The following ANKRD11 variants were observed in gnomAD, a reference collection of about 807,000 sequenced individuals.
The protein encoded by ANKRD11 is ankyrin repeat domain 11, also known as ankyrin repeat domain-containing protein 11.
Under a neutral mutation model 195.7 loss-of-function variants are expected in ANKRD11, and 17 were observed. The ratio of observed to expected loss-of-function variants is 0.09; its 90% CI spans 0.06 to 0.13. The LOEUF is 0.13. Ranked by LOEUF, ANKRD11 falls within the 10% of genes least tolerant of loss-of-function variation. The pLI is 1.00. For synonymous variants in ANKRD11, 1,953 were observed against 1,528.1 expected (o/e 1.28, Z -6.49); for missense variants, 3,735 against 3,566.1 (o/e 1.05, Z -1.21).
chr16:89,285,348 T>C lies in ANKRD11; in HGVS notation c.1194A>G (p.Ala398=). Residue 398 remains alanine, a synonymous_variant, in exon 9 of 13, where the codon GCA becomes GCG. Transcript: ENST00000301030. The surrounding 1 kb of genome is among the most constrained non-coding windows in gnomAD (Gnocchi z 5.6). The part of the protein sequence containing the change: ...VKSYTKNNTI[A]PKKASHRILS... ...GGATACGATGGGACGCTTTCTTTGG[T>C]GCAATCGTGTTATTTTTAGTGTAAC... is the stretch of plus-strand genomic sequence containing the variant. The C allele has an allele frequency of 6.2e-7, 1 of 1,614,056 alleles. No individual in the cohort carries two copies. The highest frequency in any genetic ancestry group is 8.5e-7 in the Non-Finnish European group (1 of 1,180,040).
At chr16:89,345,897 G>T (rs1419291645) in intron 2 of ANKRD11, among the ~76,000 whole-genome samples, 1 of 152,144 alleles carries the variant, frequency 6.6e-6, no homozygotes, top group Non-Finnish European at 1.5e-5. Flanking sequence ...TCACAAGAGA[G>T]CTAAGACGGT....
At chr16:89,446,739 T>C (rs1281139684) in intron 1 of ANKRD11, among the ~76,000 whole-genome samples, 1 of 152,146 alleles carries the variant, frequency 6.6e-6, no homozygotes, top group South Asian at 2.1e-4. Flanking sequence ...GCCACAGCCA[T>C]GCCCAGCAAG....
chr16:89,316,242 G>A (rs969073206), intron 3 of ANKRD11, among the ~76,000 whole-genome samples: 6 of 152,138 alleles, frequency 3.9e-5, no homozygotes, highest in African/African-American at 1.2e-4. Flanking sequence ...ACTTGTTGAC[G>A]GTCACAAAGA....
At chr16:89,462,961 C>T (rs1206568261) in intron 1 of ANKRD11, among the ~76,000 whole-genome samples, 2 of 149,526 alleles carry the variant, frequency 1.3e-5, no homozygotes, top group Non-Finnish European at 3.0e-5. Flanking sequence ...GGGGGGTCAG[C>T]CCCCCCGCCA....
chr16:89,482,411 C>T (rs536693524), intron 1 of ANKRD11, among the ~76,000 whole-genome samples: 4 of 152,180 alleles, frequency 2.6e-5, no homozygotes, highest in South Asian at 2.1e-4. Context: ...TGGTTGCAGA[C>T]GAGATTAAGG....
At chr16:89,311,341 T>C (rs1407142794) in intron 3 of ANKRD11, among the ~76,000 whole-genome samples, 1 of 152,246 alleles carries the variant, frequency 6.6e-6, no homozygotes, top group Non-Finnish European at 1.5e-5. Flanking sequence ...GCCATTGGTC[T>C]GTAGTTTTCT....
intron 2 of ANKRD11, among the ~76,000 whole-genome samples, chr16:89,415,314 G>A (rs563219401): frequency 5.0e-5 from 7 of 141,402 alleles, no homozygotes; most frequent in Admixed American, 1.4e-4. Context: ...GCCCAGGCTG[G>A]AGCGCAGTGG....
At chr16:89,472,084 A>G (rs772680862) in intron 1 of ANKRD11, among the ~76,000 whole-genome samples, 1 of 152,152 alleles carries the variant, frequency 6.6e-6, no homozygotes, top group Non-Finnish European at 1.5e-5. Flanking sequence ...CAGAAAGAGC[A>G]TCAGGATCAG....
chr16:89,460,542 G>A (rs1007092190), intron 1 of ANKRD11, among the ~76,000 whole-genome samples: 3 of 152,150 alleles, frequency 2.0e-5, no homozygotes, highest in Admixed American at 6.6e-5. Flanking sequence ...CTTGGTGACA[G>A]AGCGAGATTC....
chr16:89,360,076 ACCC>A (rs1161641465), intron 2 of ANKRD11, among the ~76,000 whole-genome samples: 2 of 151,390 alleles, frequency 1.3e-5, no homozygotes, highest in East Asian at 3.9e-4. Flanking sequence ...CCTCAAGTAG[ACCC>A]CCGTGTCTGG....
chr16:89,415,829 C>CAAAAAAAAAAAAATAAAAA (rs2042278447), intron 2 of ANKRD11, among the ~76,000 whole-genome samples: 1 of 39,744 alleles, frequency 2.5e-5, no homozygotes, highest in Admixed American at 3.4e-4. Context: ...GACTCTGTCT[C>CAAAAAAAAAAAAATAAAAA]AAAAAAAAAA....
In ANKRD11 at chr16:89,285,921, G is replaced by A. The variant is rs1332192110; in HGVS notation, c.892+118C>T. 2 of 1,531,368 alleles carry A rather than the reference G, an allele frequency of 1.3e-6. No individual in the cohort carries two copies. 94.9% of individuals were successfully genotyped at this position (1,531,368 alleles called of 1,614,324 possible). On this transcript the variant is annotated intron_variant, in intron 8 of 12. Transcript: ENST00000301030. The surrounding 1 kb of genome is among the most constrained non-coding windows in gnomAD (Gnocchi z 5.6). The stretch of plus-strand genomic sequence containing the variant: ...GGTCTCCCGCAGTCCAGAAGCTCCT[G>A]TAAGCCCCCAGCATCCGAGGAGGAG...
rs114569148 is a variant in ANKRD11, at chr16:89,369,186, A to G, written c.-60+49098T>C. On this transcript the variant is annotated intron_variant, in intron 2 of 12. Coordinates refer to ENST00000301030, the MANE Select transcript of ANKRD11 (RefSeq NM_013275.6). The stretch of plus-strand genomic sequence containing the variant: ...ACCCCAAACCCAAGAAGTTTTCCCA[A>G]GAGAGAATATGAAACAATAATCTTC... Among the ~76,000 whole-genome samples, 669 of 152,312 alleles carry G rather than the reference A, an allele frequency of 4.4e-3. 8 individuals are homozygous for G. Among genetic ancestry groups the G allele is most frequent in the African/African-American group, 0.015 (631 of 41,568 alleles).
At chr16:89,362,949 G>C (rs2039794772) in intron 2 of ANKRD11, among the ~76,000 whole-genome samples, 1 of 151,956 alleles carries the variant, frequency 6.6e-6, no homozygotes. Flanking sequence ...ACCGGACACA[G>C]CAGTTGGTAT....
chr16:89,393,314 ATTTT>A (rs573197657), intron 2 of ANKRD11, among the ~76,000 whole-genome samples: 7 of 139,276 alleles, frequency 5.0e-5, no homozygotes, highest in African/African-American at 1.3e-4. Flanking sequence ...TTTTATTTTT[ATTTT>A]TTTTTTTTTT....
intron 6 of ANKRD11, among the ~76,000 whole-genome samples, chr16:89,290,378 TCCAGCGGGGGAGGCTCAGGG>T (rs2034968606): frequency 3.2e-5 from 1 of 31,060 alleles, no homozygotes. Context: ...GGCTCAGGGC[TCCAGCGGGGGAGGCTCAGGG>T]CTCCAATTGG....
chr16:89,413,926 C>G (rs1183850651), intron 2 of ANKRD11, among the ~76,000 whole-genome samples: 1 of 152,158 alleles, frequency 6.6e-6, no homozygotes, highest in Admixed American at 6.5e-5. Flanking sequence ...CCCTCCCCAC[C>G]TCCAACCTGG....
chr16:89,281,154 C>T lies in ANKRD11; in HGVS notation c.5388G>A (p.Arg1796=). 1 of 1,614,140 alleles carries T rather than the reference C, an allele frequency of 6.2e-7. No homozygotes were observed. Among genetic ancestry groups the T allele is most frequent in the Non-Finnish European group, 8.5e-7 (1 of 1,180,008 alleles). The change falls in exon 9 of 13, where the codon AGG becomes AGA. Residue 1796 remains arginine, a synonymous_variant. Coordinates refer to ENST00000301030, the MANE Select transcript of ANKRD11 (RefSeq NM_013275.6). This position sits in a 1 kb window ranked among gnomAD's most constrained non-coding sequence, Gnocchi z 5.5. ...CGCTGAATTCTTCCTCGGGGGTCCT[C>T]CTAATGTCGACAGAGACCGAGCGGT... ...NLYRSVSVDI[R]RTPEEEFSVG...
Position 89,490,374 on chromosome 16 carries a change from C to T in ANKRD11, c.-274G>A, listed in dbSNP as rs1201560559. On this transcript the variant is annotated 5_prime_UTR_variant, in exon 1 of 13. Coordinates refer to ENST00000301030, the MANE Select transcript of ANKRD11 (RefSeq NM_013275.6). ...AAGGCGGCGGCGGCGGCGGCGCGGG[C>T]TCGGGCCCGGCAGAGCTGCGAGGGA... 5.9e-6 allele frequency: 1 copy of T among 169,422 alleles called. No homozygotes were observed. The highest frequency in any genetic ancestry group is 1.6e-4 in the East Asian group (1 of 6,350). 10.5% of individuals were successfully genotyped at this position (169,422 alleles called of 1,614,324 possible). A position where few individuals can be genotyped will look rare whatever the true frequency, so the allele number is the denominator to read the frequency against.
Sources: gnomAD v4.1 joint callset for allele counts (sites outside exome capture counted in the v4.1 genomes callset) on GRCh38, gnomAD v4.1.1 for gene constraint, Gnocchi (gnomAD v3.1) non-coding constraint, MANE v1.5 for transcripts, NCBI Gene and HGNC (gene_info 2026-07-23, HGNC 2026-07-21) for gene names.